LHFPL3: variants seen among roughly 807,000 people sequenced by gnomAD.
LHFPL3 encodes the protein LHFPL tetraspan subfamily member 3 protein.
In LHFPL3, 5 loss-of-function variants were observed where a neutral mutation model predicts 19.3. The observed-to-expected ratio is 0.26, with a 90% CI of 0.14 to 0.54. The LOEUF (loss-of-function observed/expected upper bound fraction) is 0.54, where lower values mean the gene tolerates loss of function less well. Ranked by LOEUF, LHFPL3 falls within the 20% of genes least tolerant of loss-of-function variation. LHFPL3 has a pLI of 0.94. For missense variants in LHFPL3, 249 were observed against 307.4 expected (o/e 0.81, Z 1.42); for synonymous variants, 133 against 126.2 (o/e 1.05, Z -0.36).
chr7:104,830,745 A>G lies in LHFPL3; in HGVS notation c.683-75442A>G, dbSNP rs1050306377. On this transcript the variant is annotated intron_variant, in intron 2 of 2. Transcript: ENST00000424859. Reference sequence around the variant, plus strand: ...GTTTTGGTTACTGTAGCCTTGTAGTATAGTTTGAAGTCAGGCAGCGTGATG... The same window carrying G: ...GTTTTGGTTACTGTAGCCTTGTAGTGTAGTTTGAAGTCAGGCAGCGTGATG... 2.6e-5 allele frequency among the ~76,000 whole-genome samples: 4 copies of G among 151,930 alleles called. No homozygotes were observed. The East Asian group carries it at 7.7e-4, about 29-fold the overall frequency.
intron 2 of LHFPL3, among the ~76,000 whole-genome samples, chr7:104,788,513 T>C (rs1212515602): frequency 6.6e-6 from 1 of 152,224 alleles, no homozygotes; most frequent in African/African-American, 2.4e-5. Context: ...GAAAAGTATG[T>C]AGTGGCCTAT....
chr7:104,647,036 A>T (rs896451793), intron 1 of LHFPL3, among the ~76,000 whole-genome samples: 1 of 152,206 alleles, frequency 6.6e-6, no homozygotes, highest in Non-Finnish European at 1.5e-5. Context: ...CCAGTGAAAG[A>T]TGTCAGTAAT....
At chr7:104,563,980 A>G (rs989695149) in intron 1 of LHFPL3, among the ~76,000 whole-genome samples, 6 of 152,210 alleles carry the variant, frequency 3.9e-5, no homozygotes, top group South Asian at 2.1e-4. Flanking sequence ...CCTAATAACA[A>G]TAGTAATAGC....
At chr7:104,743,756 T>A (rs978071362) in intron 2 of LHFPL3, among the ~76,000 whole-genome samples, 1 of 152,212 alleles carries the variant, frequency 6.6e-6, no homozygotes, top group Non-Finnish European at 1.5e-5. Context: ...CTAGGAAGGA[T>A]TGGATGCAAG....
chr7:104,477,224 C>T (rs1045683448), intron 1 of LHFPL3, among the ~76,000 whole-genome samples: 1 of 152,122 alleles, frequency 6.6e-6, no homozygotes, highest in Non-Finnish European at 1.5e-5. Context: ...CTCCTGGGCT[C>T]AAGGGATCCT....
chr7:104,438,344 T>G (rs1286880297), intron 1 of LHFPL3, among the ~76,000 whole-genome samples: 1 of 152,234 alleles, frequency 6.6e-6, no homozygotes, highest in Admixed American at 6.5e-5. Context: ...GATTCTAATT[T>G]TAAAAGTTAC....
intron 2 of LHFPL3, among the ~76,000 whole-genome samples, chr7:104,802,564 G>A (rs549602971): frequency 6.6e-6 from 1 of 151,152 alleles, no homozygotes; most frequent in Admixed American, 6.6e-5. Context: ...CACCATGTGA[G>A]GACAGAGAGA....
intron 2 of LHFPL3, among the ~76,000 whole-genome samples, chr7:104,878,270 T>TA (rs1339330995): frequency 6.6e-6 from 1 of 151,704 alleles, no homozygotes; most frequent in East Asian, 1.9e-4. Flanking sequence ...AATATTGCTT[T>TA]TTTTTTTAAA....
intron 1 of LHFPL3, among the ~76,000 whole-genome samples, chr7:104,680,962 C>A (rs1792683561): frequency 6.6e-6 from 1 of 152,032 alleles, no homozygotes; most frequent in South Asian, 2.1e-4. Context: ...TCCATCAAAC[C>A]TAAAACAGCT....
chr7:104,456,070 T>A (rs1325171215), intron 1 of LHFPL3, among the ~76,000 whole-genome samples: 1 of 152,224 alleles, frequency 6.6e-6, no homozygotes, highest in African/African-American at 2.4e-5. Context: ...TTCAGTGAGT[T>A]GACTGTTTCG....
intron 2 of LHFPL3, among the ~76,000 whole-genome samples, chr7:104,792,237 A>G (rs746290499): frequency 2.0e-5 from 3 of 152,154 alleles, no homozygotes; most frequent in Non-Finnish European, 4.4e-5. Flanking sequence ...GAAAATGAAT[A>G]GAAGTGTGTG....
chr7:104,495,602 C>A (rs1185190650), intron 1 of LHFPL3, among the ~76,000 whole-genome samples: 2 of 152,184 alleles, frequency 1.3e-5, no homozygotes, highest in East Asian at 1.9e-4. Context: ...CCAGGATGGT[C>A]TCCATCTCCT....
intron 1 of LHFPL3, among the ~76,000 whole-genome samples, chr7:104,523,288 T>C (rs7804412): frequency 0.55 from 83,487 of 151,906 alleles, 23,114 homozygotes; most frequent in Middle Eastern, 0.65. Context: ...AATGATCTCA[T>C]GTGACAAATT....
chr7:104,665,075 T>A (rs750738272), intron 1 of LHFPL3, among the ~76,000 whole-genome samples: 3 of 152,258 alleles, frequency 2.0e-5, no homozygotes, highest in African/African-American at 4.8e-5. Context: ...TTTTAGCACT[T>A]AATCACTAAT....
chr7:104,551,211 G>T (rs1448513821), intron 1 of LHFPL3, among the ~76,000 whole-genome samples: 1 of 152,062 alleles, frequency 6.6e-6, no homozygotes, highest in African/African-American at 2.4e-5. Context: ...TTATCATTCT[G>T]CTAACAAAAT....
chr7:104,737,258 A>ACATGTATTCATG (rs1167682209), intron 2 of LHFPL3, among the ~76,000 whole-genome samples: 2 of 152,066 alleles, frequency 1.3e-5, no homozygotes, highest in Non-Finnish European at 2.9e-5. Context: ...GGTTGAATGG[A>ACATGTATTCATG]AAGTACTTTC....
intron 1 of LHFPL3, among the ~76,000 whole-genome samples, chr7:104,537,604 C>T (rs950039061): frequency 6.6e-6 from 1 of 152,150 alleles, no homozygotes; most frequent in South Asian, 2.1e-4. Flanking sequence ...TTTTATCTGT[C>T]CTGATAATCA....
chr7:104,641,654 G>A (rs564112729), intron 1 of LHFPL3, among the ~76,000 whole-genome samples: 2 of 152,262 alleles, frequency 1.3e-5, no homozygotes, highest in African/African-American at 2.4e-5. Flanking sequence ...GCTCTGGCCT[G>A]TGGTTTCCAT....
At chr7:104,871,291 G>C (rs995857857) in intron 2 of LHFPL3, among the ~76,000 whole-genome samples, 12 of 152,174 alleles carry the variant, frequency 7.9e-5, no homozygotes, top group African/African-American at 2.9e-4. Context: ...ATAAGTATTT[G>C]TGTATCTAAA....
Sources: allele counts gnomAD v4.1 joint callset (sites outside exome capture counted in the v4.1 genomes callset), GRCh38; gene constraint gnomAD v4.1.1; transcripts MANE v1.5; gene names NCBI Gene and HGNC (gene_info 2026-07-23, HGNC 2026-07-21).